Variants in MASP1 observed in about 807,000 individuals in gnomAD.
MASP1 encodes MBL associated serine protease 1, also known as mannan-binding lectin serine protease 1.
Under a neutral mutation model 77.1 loss-of-function variants are expected in MASP1, and 59 were observed. The ratio of observed to expected loss-of-function variants is 0.77; its 90% CI spans 0.62 to 0.95. MASP1 has a LOEUF of 0.95. Ranked by LOEUF, MASP1 falls within the 40% of genes least tolerant of loss-of-function variation. The pLI, the probability that MASP1 is intolerant of heterozygous loss-of-function variation, is 0.00. For missense variants in MASP1, 885 were observed against 912.9 expected (o/e 0.97, Z 0.39); for synonymous variants, 362 against 354.5 (o/e 1.02, Z -0.24).
chr3:187,249,208 C>T (rs927493859), intron 8 of MASP1, among the ~76,000 whole-genome samples: 6 of 152,206 alleles, frequency 3.9e-5, no homozygotes, highest in Non-Finnish European at 8.8e-5. Flanking sequence ...CAGGCGTGCG[C>T]CACCATGCCT....
intron 5 of MASP1, 52 bp downstream of exon 5, chr3:187,256,612 C>G: frequency 6.3e-7 from 1 of 1,591,352 alleles, no homozygotes; most frequent in South Asian, 1.1e-5. Context: ...ATTTTCCCAA[C>G]TCAGCCAAGA....
At chr3:187,291,352 T>C in intron 1 of MASP1, 1 of 550,492 alleles carries the variant, frequency 1.8e-6, no homozygotes, top group Admixed American at 3.0e-5. Flanking sequence ...GGCAGCACCC[T>C]GTGCAGGCAG....
chr3:187,260,538 A>C (rs1256212690), intron 4 of MASP1, among the ~76,000 whole-genome samples: 2 of 152,174 alleles, frequency 1.3e-5, no homozygotes, highest in African/African-American at 4.8e-5. Flanking sequence ...AATAGTCTAG[A>C]GCTTCTCTCC....
intron 8 of MASP1, chr3:187,244,155 A>G: frequency 6.1e-6 from 1 of 165,268 alleles, no homozygotes. Flanking sequence ...ACACAGCCCC[A>G]CCCTGCTGCC....
intron 8 of MASP1, among the ~76,000 whole-genome samples, chr3:187,246,108 G>A (rs182764531): frequency 4.7e-4 from 72 of 152,236 alleles, no homozygotes; most frequent in Middle Eastern, 3.4e-3. Context: ...CCTGCTGCAC[G>A]GGGCACCCTG....
At position 187,236,150 on chromosome 3, in the gene MASP1, A is replaced by G; in HGVS notation, c.1721T>C (p.Leu574Pro). ...PLGPHVMPVC[L>P]PRLEPEGPAP... ...CGGGCCTTCAGGCTCAAGCCTTGGCAGGCAGACAGGCATAACGTGGGGTCC... is the reference window on the plus strand; with the variant it reads ...CGGGCCTTCAGGCTCAAGCCTTGGCGGGCAGACAGGCATAACGTGGGGTCC... Residue 574 changes from leucine (L) to proline (P), a missense_variant, in exon 11 of 11, where the codon CTG becomes CCG. By Grantham distance (98) the Leu-to-Pro change is moderately conservative (BLOSUM62 -3). Transcript: ENST00000296280. 1 of 1,613,968 alleles carries G rather than the reference A, an allele frequency of 6.2e-7. No homozygotes were observed. Among genetic ancestry groups the G allele is most frequent in the Non-Finnish European group, 8.5e-7 (1 of 1,180,022 alleles).
At chr3:187,269,411 C>T (rs1338375449) in intron 2 of MASP1, among the ~76,000 whole-genome samples, 1 of 152,186 alleles carries the variant, frequency 6.6e-6, no homozygotes, top group African/African-American at 2.4e-5. Context: ...TGAAAAGAGG[C>T]TCCTGAGCCT....
At chr3:187,245,555 G>A (rs1714004848) in intron 8 of MASP1, among the ~76,000 whole-genome samples, 1 of 152,130 alleles carries the variant, frequency 6.6e-6, no homozygotes, top group East Asian at 1.9e-4. Context: ...TGGCAGTGTG[G>A]AGGGGCGTAC....
chr3:187,220,618 C>T (rs1041342983), intron 15 of MASP1, among the ~76,000 whole-genome samples: 1 of 151,820 alleles, frequency 6.6e-6, no homozygotes, highest in African/African-American at 2.4e-5. Flanking sequence ...CCTCCTCAGC[C>T]TCCCGAGTAG....
intron 3 of MASP1, among the ~76,000 whole-genome samples, chr3:187,262,173 A>G (rs1715637290): frequency 1.3e-5 from 2 of 152,160 alleles, no homozygotes; most frequent in African/African-American, 4.8e-5. Context: ...ACAAATACAG[A>G]TTTTTCAAAA....
At chr3:187,268,592 T>A (rs1042459572) in intron 2 of MASP1, among the ~76,000 whole-genome samples, 1 of 152,124 alleles carries the variant, frequency 6.6e-6, no homozygotes, top group African/African-American at 2.4e-5. Context: ...CTGTATGTAG[T>A]GAACTTGCAT....
chr3:187,234,292 G>A lies in MASP1; in HGVS notation c.*1392C>T, dbSNP rs1348606608. 1 of 1,287,230 alleles carries A rather than the reference G, an allele frequency of 7.8e-7. No homozygotes were observed. The highest frequency in any genetic ancestry group is 1.0e-6 in the Non-Finnish European group (1 of 988,688). 79.7% of individuals were successfully genotyped at this position (1,287,230 alleles called of 1,614,324 possible). ...TCATTCCCTCTCAGGGGCTTCTCTG[G>A]CTGCCTTGCTCTGATGGAGATTTTC... On this transcript the variant is annotated 3_prime_UTR_variant, in exon 11 of 11. Transcript: ENST00000296280.
intron 14 of MASP1, among the ~76,000 whole-genome samples, chr3:187,222,437 C>T (rs1712119383): frequency 1.3e-5 from 2 of 152,258 alleles, no homozygotes; most frequent in South Asian, 4.1e-4. Context: ...TGTTGCAAAT[C>T]CCAAATTTTA....
At chr3:187,231,444 T>A (rs1284501779), downstream of MASP1, among the ~76,000 whole-genome samples, 1 of 152,014 alleles carries the variant, frequency 6.6e-6, no homozygotes, top group African/African-American at 2.4e-5. Flanking sequence ...ACATTCTTCC[T>A]CCCCCTTTGG....
At chr3:187,243,806 C>T (rs754842443) in intron 8 of MASP1, 185 bp from the exon 9 acceptor site, 37 of 705,632 alleles carry the variant, frequency 5.2e-5, no homozygotes, top group Non-Finnish European at 8.8e-5. Flanking sequence ...TACCCATGGT[C>T]CTGCTTTTGA....
At chr3:187,262,475 T>C (rs934542151) in intron 3 of MASP1, 68 bp downstream of exon 3, 44 of 1,500,322 alleles carry the variant, frequency 2.9e-5, no homozygotes, top group Middle Eastern at 1.7e-4. Context: ...AAAGGAGAGG[T>C]CACAAGGCAG....
In MASP1 at chr3:187,236,392, G is replaced by A. The variant is rs1358787154; in HGVS notation, c.1479C>T (p.Leu493=). 6.2e-7 allele frequency: 1 copy of A among 1,614,240 alleles called. No homozygotes were observed. The highest frequency in any genetic ancestry group is 8.5e-7 in the Non-Finnish European group (1 of 1,180,048). Residue 493 remains leucine, a synonymous_variant, in exon 11 of 11, where the codon CTC becomes CTT. Coordinates refer to ENST00000296280, the MANE Select transcript of MASP1 (RefSeq NM_139125.4). ...SGALLSASWI[L]TAAHVLRSQR... ...GGGAGCGCAGCACATGAGCTGCTGT[G>A]AGGATCCAGGACGCAGAGAGCAGGG...
intron 13 of MASP1, among the ~76,000 whole-genome samples, chr3:187,224,501 T>C (rs866486649): frequency 1.1e-3 from 164 of 151,690 alleles, no homozygotes; most frequent in Middle Eastern, 3.4e-3. Context: ...CGCCCGCCAC[T>C]ATGCCCGGCT....
rs1444963140 is a variant in MASP1, at chr3:187,235,637, G to T, written c.*47C>A. 2 of 1,610,480 alleles carry T rather than the reference G, an allele frequency of 1.2e-6. No homozygotes were observed. The highest frequency in any genetic ancestry group is 8.5e-7 in the Non-Finnish European group (1 of 1,179,960). The stretch of plus-strand genomic sequence containing the variant: ...ATGTGGAGTGTGCTGTCGGAAGTGC[G>T]GTGTAGCTTCGCTCAGGGGAGGCAG... On this transcript the variant is annotated 3_prime_UTR_variant, in exon 11 of 11. Transcript: ENST00000296280.
Sources: gnomAD v4.1 joint callset for allele counts (sites outside exome capture counted in the v4.1 genomes callset) on GRCh38, gnomAD v4.1.1 for gene constraint, MANE v1.5 for transcripts, NCBI Gene and HGNC (gene_info 2026-07-23, HGNC 2026-07-21) for gene names.